PTPRD: variants seen among roughly 807,000 people sequenced by gnomAD.
The protein encoded by PTPRD is receptor-type tyrosine-protein phosphatase delta.
PTPRD carries 34 observed loss-of-function variants against 214.5 expected under a neutral mutation model. The observed-to-expected ratio is 0.16, with a 90% CI of 0.12 to 0.21. The LOEUF is 0.21. Ranked by LOEUF, PTPRD falls within the 10% of genes least tolerant of loss-of-function variation. PTPRD has a pLI of 1.00. For synonymous variants in PTPRD, 1,128 were observed against 845.7 expected (o/e 1.33, Z -5.79); for missense variants, 2,545 against 2,398.7 (o/e 1.06, Z -1.27).
At chr9:9,179,874 A>G (rs2099927158) in intron 10 of PTPRD, among the ~76,000 whole-genome samples, 1 of 152,076 alleles carries the variant, frequency 6.6e-6, no homozygotes, top group Non-Finnish European at 1.5e-5. Context: ...TAACATGGAG[A>G]TAAAGTACAG....
At chr9:8,554,593 C>G (rs2083154786) in intron 14 of PTPRD, among the ~76,000 whole-genome samples, 1 of 152,142 alleles carries the variant, frequency 6.6e-6, no homozygotes, top group Non-Finnish European at 1.5e-5. Context: ...CATTAATAGG[C>G]TAAGAAATGG....
chr9:8,603,054 T>C (rs1293825544), intron 14 of PTPRD, among the ~76,000 whole-genome samples: 2 of 152,194 alleles, frequency 1.3e-5, no homozygotes, highest in African/African-American at 4.8e-5. Context: ...TTTTTAGGTT[T>C]CAAACAGAGG....
chr9:9,957,839 C>T (rs1177230663), intron 4 of PTPRD, among the ~76,000 whole-genome samples: 2 of 150,944 alleles, frequency 1.3e-5, no homozygotes, highest in African/African-American at 2.4e-5. Flanking sequence ...ACAAAAGATA[C>T]ACCGATCAAC....
rs80138356 is a variant in PTPRD at position 8,654,872 on chromosome 9, C to A, written c.65-18028G>T. The stretch of plus-strand genomic sequence containing the variant: ...ACTTGCCAGAACTGTACTAGCTTCT[C>A]AAGTTGACCCTAATATGTGATATTA... On this transcript the variant is annotated intron_variant, in intron 12 of 45. Transcript: ENST00000381196. Among the ~76,000 whole-genome samples the A allele has an allele frequency of 4.7e-3, 721 of 152,264 alleles. 13 individuals carry two copies. Among genetic ancestry groups the A allele is most frequent in the African/African-American group, 0.017 (694 of 41,570 alleles).
intron 8 of PTPRD, among the ~76,000 whole-genome samples, chr9:9,551,160 G>A (rs1027323522): frequency 6.6e-6 from 1 of 151,898 alleles, no homozygotes; most frequent in Non-Finnish European, 1.5e-5. Context: ...AATGTTTCAA[G>A]GAGCTGGGGT....
intron 5 of PTPRD, among the ~76,000 whole-genome samples, chr9:9,927,130 A>G (rs2084600255): frequency 6.6e-6 from 1 of 152,196 alleles, no homozygotes; most frequent in South Asian, 2.1e-4. Flanking sequence ...TATATACTTA[A>G]CCAGTATAAA....
rs1009203642 is a variant in PTPRD, at chr9:8,673,941, C to G, written c.65-37097G>C. On this transcript the variant is annotated intron_variant, in intron 12 of 45. Coordinates refer to ENST00000381196, the MANE Select transcript of PTPRD (RefSeq NM_002839.4). The stretch of plus-strand genomic sequence containing the variant: ...CCAGTAGCACATCCTGCCCCCTATT[C>G]TGACAACCAAAAACGTCTCCAAACG... 2.0e-5 allele frequency among the ~76,000 whole-genome samples: 3 copies of G among 152,252 alleles called. No homozygotes were observed. The East Asian group carries it at 5.8e-4, about 30-fold the overall frequency.
chr9:10,316,928 T>A (rs2096450936), intron 3 of PTPRD, among the ~76,000 whole-genome samples: 1 of 151,854 alleles, frequency 6.6e-6, no homozygotes, highest in Non-Finnish European at 1.5e-5. Flanking sequence ...CTGATCCCAA[T>A]TGCTTTTTAA....
chr9:9,776,894 C>A (rs767497465), intron 5 of PTPRD, among the ~76,000 whole-genome samples: 2 of 152,174 alleles, frequency 1.3e-5, no homozygotes, highest in Non-Finnish European at 2.9e-5. Context: ...ATTTTACACA[C>A]ACATTTTCCA....
chr9:8,568,579 G>A (rs1018091676), intron 14 of PTPRD, among the ~76,000 whole-genome samples: 13 of 152,112 alleles, frequency 8.5e-5, no homozygotes, highest in African/African-American at 3.1e-4. Flanking sequence ...CTCATTCTCA[G>A]CTTCAGTAGG....
chr9:8,754,892 A>G (rs2093856209), intron 11 of PTPRD, among the ~76,000 whole-genome samples: 1 of 152,216 alleles, frequency 6.6e-6, no homozygotes, highest in African/African-American at 2.4e-5. Context: ...GGTGGAGATA[A>G]AAGCCTTAAA....
At chr9:9,339,093 G>A (rs1452559780) in intron 9 of PTPRD, among the ~76,000 whole-genome samples, 4 of 152,086 alleles carry the variant, frequency 2.6e-5, no homozygotes. Context: ...GCCATTGGGA[G>A]GGCTTCTCCA....
At chr9:8,751,992 C>G (rs1363046163) in intron 11 of PTPRD, among the ~76,000 whole-genome samples, 2 of 152,084 alleles carry the variant, frequency 1.3e-5, no homozygotes, top group Non-Finnish European at 2.9e-5. Flanking sequence ...TGCGTCTGAC[C>G]CTGAGCCTCA....
chr9:8,766,171 T>C (rs145730211), intron 11 of PTPRD, among the ~76,000 whole-genome samples: 329 of 150,220 alleles, frequency 2.2e-3, no homozygotes, highest in Non-Finnish European at 3.9e-3. Context: ...CAACCCCATT[T>C]CGTTTTACCA....
intron 11 of PTPRD, among the ~76,000 whole-genome samples, chr9:8,755,008 C>G (rs1598804983): frequency 6.6e-6 from 1 of 152,006 alleles, no homozygotes; most frequent in East Asian, 1.9e-4. Flanking sequence ...AAATGAGAAA[C>G]CACTCCACAC....
At chr9:10,004,862 C>G (rs908410550) in intron 4 of PTPRD, among the ~76,000 whole-genome samples, 5 of 152,090 alleles carry the variant, frequency 3.3e-5, no homozygotes, top group African/African-American at 1.2e-4. Flanking sequence ...AAAAGCAGAT[C>G]AGGGTTTACT....
At position 9,618,324 on chromosome 9, in the gene PTPRD, G is replaced by A. The variant is rs768286051; in HGVS notation, c.-286-43543C>T. Among the ~76,000 whole-genome samples the A allele has an allele frequency of 9.9e-5, 15 of 151,518 alleles. 1 individual carries two copies. The highest frequency in any genetic ancestry group is 1.9e-4 in the Non-Finnish European group (13 of 67,932). On this transcript the variant is annotated intron_variant, in intron 7 of 45. Coordinates refer to ENST00000381196, the MANE Select transcript of PTPRD (RefSeq NM_002839.4). The stretch of plus-strand genomic sequence containing the variant: ...TAAGTTGAGATTTAGCAAAATTAGA[G>A]GATTACTCAAGTCATTAGAGACTAC...
At chr9:8,419,642 T>C (rs2131502925) in intron 35 of PTPRD, among the ~76,000 whole-genome samples, 1 of 151,742 alleles carries the variant, frequency 6.6e-6, no homozygotes, top group Non-Finnish European at 1.5e-5. Flanking sequence ...CTTTGGCATC[T>C]CATATTTCTT....
chr9:9,760,302 G>T (rs146718884), intron 6 of PTPRD, among the ~76,000 whole-genome samples: 1,672 of 152,142 alleles, frequency 0.011, 17 homozygotes, highest in Non-Finnish European at 0.018. Flanking sequence ...TGTATGATAA[G>T]TGAGAAAACC....
Sources: allele counts gnomAD v4.1 joint callset (sites outside exome capture counted in the v4.1 genomes callset), GRCh38; gene constraint gnomAD v4.1.1; transcripts MANE v1.5; gene names NCBI Gene and HGNC (gene_info 2026-07-23, HGNC 2026-07-21).